USH2A: variants seen among roughly 807,000 people sequenced by gnomAD.
USH2A encodes usherin.
Under a neutral mutation model 538.9 loss-of-function variants are expected in USH2A, and 443 were observed. The observed-to-expected ratio is 0.82, with a 90% CI of 0.76 to 0.89. The LOEUF is 0.89. Ranked by LOEUF, USH2A falls within the 40% of genes least tolerant of loss-of-function variation. The pLI is 0.00. For synonymous variants in USH2A, 2,413 were observed against 2,273.5 expected, an observed-to-expected ratio of 1.06 and a Z score of -1.75; for missense variants, 6,633 against 6,324.8, an observed-to-expected ratio of 1.05 and a Z score of -1.65.
rs1338709231 is a variant in USH2A, at chr1:216,199,802, T to C, written c.3636A>G (p.Pro1212=). ...ETSATIWNLV[P]FAKYDFSVQA... The stretch of plus-strand genomic sequence containing the variant: ...GTACAGAAAAATCGTACTTGGCAAA[T>C]GGAACCAGATTCCAGATGGTAGCTG... Residue 1212 remains proline, a synonymous_variant, in exon 17 of 72, where the codon CCA becomes CCG. Coordinates refer to ENST00000307340, the MANE Select transcript of USH2A (RefSeq NM_206933.4). The C allele has an allele frequency of 1.2e-6, 2 of 1,614,128 alleles. No homozygotes were observed. The highest frequency in any genetic ancestry group is 8.5e-7 in the Non-Finnish European group (1 of 1,179,996).
chr1:215,772,063 C>T (rs1197440503), intron 55 of USH2A, among the ~76,000 whole-genome samples: 2 of 152,140 alleles, frequency 1.3e-5, no homozygotes, highest in African/African-American at 4.8e-5. Context: ...ATATATACGA[C>T]TCTGTAAAAC....
At chr1:216,012,215 C>T (rs1668592434) in intron 32 of USH2A, among the ~76,000 whole-genome samples, 1 of 151,102 alleles carries the variant, frequency 6.6e-6, no homozygotes, top group South Asian at 2.1e-4. Flanking sequence ...CAGTACAAGC[C>T]ACTAGCCCAC....
chr1:215,866,803 T>C (rs1664481264), intron 44 of USH2A, among the ~76,000 whole-genome samples: 1 of 152,152 alleles, frequency 6.6e-6, no homozygotes, highest in Non-Finnish European at 1.5e-5. Flanking sequence ...TTTTAATGTG[T>C]CCATTTCTAA....
chr1:215,999,690 G>A (rs527445464), intron 33 of USH2A, among the ~76,000 whole-genome samples: 132 of 152,256 alleles, frequency 8.7e-4, no homozygotes, highest in African/African-American at 2.8e-3. Context: ...CACCTGAGTC[G>A]TGGGAAATCT....
Position 216,289,269 on chromosome 1 carries a change from G to T in USH2A, c.1971+11C>A, listed in dbSNP as rs2102606186. The T allele has an allele frequency of 6.2e-7, 1 of 1,613,678 alleles. No homozygotes were observed. The highest frequency in any genetic ancestry group is 8.5e-7 in the Non-Finnish European group (1 of 1,179,724). Reference sequence around the variant, plus strand: ...AGTAATCCTTTACCTTAAATACTCAGAAAAACTCACCTGATCACAAAGAAT... The same window carrying T: ...AGTAATCCTTTACCTTAAATACTCATAAAAACTCACCTGATCACAAAGAAT... On this transcript the variant is annotated intron_variant, in intron 11 of 71. Transcript: ENST00000307340.
At chr1:216,060,579 A>G (rs1197629945) in intron 30 of USH2A, among the ~76,000 whole-genome samples, 1 of 152,230 alleles carries the variant, frequency 6.6e-6, no homozygotes, top group African/African-American at 2.4e-5. Flanking sequence ...AGCAAATAGT[A>G]AGAAATATTA....
At chr1:215,906,317 T>A (rs1215000322) in intron 38 of USH2A, among the ~76,000 whole-genome samples, 2 of 152,036 alleles carry the variant, frequency 1.3e-5, no homozygotes, top group Non-Finnish European at 2.9e-5. Flanking sequence ...TTATTTCTAA[T>A]CCTCAGAATT....
chr1:216,264,285 C>T (rs2036429061), intron 11 of USH2A, among the ~76,000 whole-genome samples: 2 of 151,808 alleles, frequency 1.3e-5, no homozygotes, highest in South Asian at 2.1e-4. Context: ...CCATAAAGAC[C>T]CAGAATAGAC....
chr1:216,365,356 G>A (rs2038576436), intron 3 of USH2A, among the ~76,000 whole-genome samples: 1 of 152,064 alleles, frequency 6.6e-6, no homozygotes, highest in South Asian at 2.1e-4. Context: ...AGCTCTGGTT[G>A]CCATGTTTTA....
intron 50 of USH2A, among the ~76,000 whole-genome samples, chr1:215,791,644 T>C (rs1661985254): frequency 6.6e-6 from 1 of 152,190 alleles, no homozygotes. Flanking sequence ...TTCGAAGTAA[T>C]TGGTTTACAA....
chr1:216,311,226 G>A (rs938046200), intron 9 of USH2A, among the ~76,000 whole-genome samples: 6 of 152,162 alleles, frequency 3.9e-5, no homozygotes, highest in African/African-American at 1.2e-4. Context: ...TCAGGAATAT[G>A]TCTCCCTTTA....
intron 9 of USH2A, among the ~76,000 whole-genome samples, chr1:216,310,996 T>C (rs1368622722): frequency 6.6e-6 from 1 of 152,180 alleles, no homozygotes; most frequent in Non-Finnish European, 1.5e-5. Context: ...AACAATCCAA[T>C]TGTGCCCTTC....
chr1:215,698,544 T>C (rs1171422075), intron 61 of USH2A, among the ~76,000 whole-genome samples: 1 of 152,236 alleles, frequency 6.6e-6, no homozygotes, highest in Non-Finnish European at 1.5e-5. Flanking sequence ...TATCTCATTG[T>C]GGTTTTGATT....
At chr1:216,159,187 A>G (rs1193589083) in intron 21 of USH2A, among the ~76,000 whole-genome samples, 1 of 152,068 alleles carries the variant, frequency 6.6e-6, no homozygotes, top group Admixed American at 6.6e-5. Flanking sequence ...TATTTATTTT[A>G]TTGCTATATT....
At chr1:216,109,497 G>C (rs2032815634) in intron 21 of USH2A, among the ~76,000 whole-genome samples, 1 of 152,138 alleles carries the variant, frequency 6.6e-6, no homozygotes. Flanking sequence ...CTCCTTGACA[G>C]ACTCATAGAA....
In USH2A at chr1:216,229,732, A is replaced by T. The variant is rs548989776; in HGVS notation, c.2993+2221T>A. ...AACATTTAAATCCACCTTCTAACCC[A>T]GGGAATCTAGCTCCAGTGCTAGTCA... On this transcript the variant is annotated intron_variant, in intron 14 of 71. Transcript: ENST00000307340. Among the ~76,000 whole-genome samples the T allele has an allele frequency of 5.5e-4, 83 of 152,290 alleles. 1 individual carries two copies. Among genetic ancestry groups the T allele is most frequent in the Admixed American group, 3.8e-3 (58 of 15,298 alleles).
rs945301879 is a variant in USH2A at position 215,640,540 on chromosome 1, C to T, written c.14968+18G>A. ...ACAGAGCGCCTTCCACACTGAGAAA[C>T]AGGAGTCAGAAACTAACTTTTGTCC... is the stretch of plus-strand genomic sequence containing the variant. On this transcript the variant is annotated intron_variant, in intron 68 of 71. Coordinates refer to ENST00000307340, the MANE Select transcript of USH2A (RefSeq NM_206933.4). 1.2e-6 allele frequency: 2 copies of T among 1,613,164 alleles called. No individual in the cohort carries two copies. The highest frequency in any genetic ancestry group is 1.7e-6 in the Non-Finnish European group (2 of 1,179,966).
intron 11 of USH2A, among the ~76,000 whole-genome samples, chr1:216,276,350 C>G (rs1176205330): frequency 3.3e-5 from 5 of 152,090 alleles, no homozygotes; most frequent in Non-Finnish European, 7.4e-5. Flanking sequence ...CAAAATGCAG[C>G]ACTCAATACT....
chr1:216,203,490 A>G (rs933379864), intron 16 of USH2A, among the ~76,000 whole-genome samples: 4 of 152,106 alleles, frequency 2.6e-5, no homozygotes, highest in African/African-American at 9.7e-5. Flanking sequence ...ATTGTTGACC[A>G]TGAGTAACAA....
Sources: allele counts gnomAD v4.1 joint callset (sites outside exome capture counted in the v4.1 genomes callset), GRCh38; gene constraint gnomAD v4.1.1; transcripts MANE v1.5; gene names NCBI Gene and HGNC (gene_info 2026-07-23, HGNC 2026-07-21).